Variants in INTS4 observed in about 807,000 individuals in gnomAD.
The protein encoded by INTS4 is integrator complex subunit 4.
Under a neutral mutation model 119.5 loss-of-function variants are expected in INTS4, and 70 were observed. The ratio of observed to expected loss-of-function variants is 0.59; its 90% CI spans 0.48 to 0.71. The LOEUF is 0.71. INTS4 is among the 30% of genes least tolerant of loss of function. INTS4 has a pLI of 0.00. For missense variants in INTS4, 867 were observed against 1,173.2 expected, an observed-to-expected ratio of 0.74 and a Z score of 3.81; for synonymous variants, 316 against 419.6, an observed-to-expected ratio of 0.75 and a Z score of 3.02.
intron 4 of INTS4, among the ~76,000 whole-genome samples, chr11:77,976,142 A>G (rs1009366597): frequency 1.3e-5 from 2 of 152,182 alleles, no homozygotes; most frequent in African/African-American, 4.8e-5. Context: ...ATGAAGTATC[A>G]TTTTCCACAT....
chr11:77,992,878 T>G (rs1306864571), intron 1 of INTS4, among the ~76,000 whole-genome samples: 2 of 152,208 alleles, frequency 1.3e-5, no homozygotes, highest in Non-Finnish European at 2.9e-5. Context: ...CCTCATCTTT[T>G]CAGCGGAGAA....
At chr11:77,962,635 C>T (rs1855285269) in intron 4 of INTS4, among the ~76,000 whole-genome samples, 1 of 151,992 alleles carries the variant, frequency 6.6e-6, no homozygotes, top group Non-Finnish European at 1.5e-5. Context: ...TACATAAAAA[C>T]AGACATACAG....
At chr11:77,891,627 A>G (rs670090) in intron 20 of INTS4, 54 bp downstream of exon 20, 345,064 of 1,584,640 alleles carry the variant, frequency 0.22, 38,576 homozygotes, top group Middle Eastern at 0.23. Flanking sequence ...ACCAAGGTAA[A>G]GATTTTTGAC....
chr11:77,892,443 G>A (rs1220029860), intron 19 of INTS4, among the ~76,000 whole-genome samples: 8 of 152,302 alleles, frequency 5.3e-5, no homozygotes, highest in South Asian at 2.1e-4. Flanking sequence ...AAGAACATCA[G>A]ATGAAGAACT....
At chr11:77,920,170 T>C (rs76578681) in intron 14 of INTS4, among the ~76,000 whole-genome samples, 4 of 75,466 alleles carry the variant, frequency 5.3e-5, no homozygotes, top group Non-Finnish European at 1.1e-4. Context: ...CACATATATA[T>C]ACATATACAT....
At chr11:77,917,001 G>A (rs1953218985) in intron 15 of INTS4, among the ~76,000 whole-genome samples, 1 of 152,190 alleles carries the variant, frequency 6.6e-6, no homozygotes, top group African/African-American at 2.4e-5. Flanking sequence ...ACATAACTTG[G>A]AGGATGGTTC....
chr11:77,877,128 G>T (rs1951620705), downstream of INTS4: 2 of 673,788 alleles, frequency 3.0e-6, no homozygotes, highest in Non-Finnish European at 5.4e-6. Context: ...TGACCTCGTG[G>T]AAATAGACTG....
chr11:77,944,630 T>G (rs1374544558), intron 8 of INTS4, among the ~76,000 whole-genome samples: 2 of 152,236 alleles, frequency 1.3e-5, no homozygotes, highest in Non-Finnish European at 2.9e-5. Context: ...GTTTGTCGAT[T>G]TGCTGAACAG....
At chr11:77,954,575 T>C (rs1954273044) in intron 8 of INTS4, among the ~76,000 whole-genome samples, 2 of 152,220 alleles carry the variant, frequency 1.3e-5, no homozygotes, top group African/African-American at 2.4e-5. Context: ...TTCAGTTTCA[T>C]GGAAGAAACC....
rs761947815 is a variant in INTS4, at chr11:77,879,090, G to A, written c.2751C>T (p.Tyr917=). The A allele has an allele frequency of 6.2e-7, 1 of 1,614,066 alleles. No individual in the cohort carries two copies. The part of the protein sequence containing the change: ...CQVEVRLLLA[Y]NSSARIPKCP... ...ATTTTGGAATGCGAGCACTGGAGTT[G>A]TAGGCCAGCAGCAGCCTCACTTCCA... is the stretch of plus-strand genomic sequence containing the variant. The change falls in exon 23 of 23, where the codon TAC becomes TAT. Residue 917 remains tyrosine (Y), a synonymous_variant. Transcript: ENST00000534064.
intron 15 of INTS4, among the ~76,000 whole-genome samples, chr11:77,911,572 T>A (rs1162681044): frequency 6.6e-6 from 1 of 152,204 alleles, no homozygotes; most frequent in Admixed American, 6.5e-5. Flanking sequence ...AAACAAGATG[T>A]AACCCAATCC....
Position 77,961,143 on chromosome 11 carries a change from TA to T in INTS4, c.472-6del, listed in dbSNP as rs11370501. The T allele has an allele frequency of 0.063, 72,789 of 1,163,070 alleles. No homozygotes were observed. Among genetic ancestry groups the T allele is most frequent in the South Asian group, 0.14 (4,828 of 34,128 alleles). 72.0% of individuals were successfully genotyped at this position (1,163,070 alleles called of 1,614,324 possible). A position where few individuals can be genotyped will look rare whatever the true frequency, so the allele number is the denominator to read the frequency against. On this transcript the variant is annotated splice_region_variant and splice_polypyrimidine_tract_variant and intron_variant, in intron 4 of 22. Transcript: ENST00000534064. Reference sequence around the variant, plus strand: ...ATGAGACGTATCTGTCAGATGCTATTAAAAAAAAAAAAAAAAAGAAAAAAAG... The same window carrying T: ...ATGAGACGTATCTGTCAGATGCTATTAAAAAAAAAAAAAAAAGAAAAAAAG...
At chr11:77,978,437 TTAAC>T (rs1449500139) in intron 4 of INTS4, 1 of 152,248 alleles carries the variant, frequency 6.6e-6, no homozygotes, top group East Asian at 1.9e-4. Context: ...AAGAGGCTAA[TTAAC>T]CTCCAAATTA....
chr11:77,970,385 T>C (rs1014984167), intron 4 of INTS4, among the ~76,000 whole-genome samples: 7 of 151,758 alleles, frequency 4.6e-5, no homozygotes, highest in African/African-American at 1.7e-4. Context: ...GGTGACAGAG[T>C]GACTCCATCT....
chr11:77,933,200 G>T (rs528391831), intron 10 of INTS4, among the ~76,000 whole-genome samples: 3 of 151,084 alleles, frequency 2.0e-5, no homozygotes, highest in African/African-American at 7.3e-5. Flanking sequence ...GTCCCTCTCC[G>T]TCCCCCTCTC....
At chr11:77,904,827 ATAGTTGCATCATGT>A (rs1390556705) in intron 16 of INTS4, among the ~76,000 whole-genome samples, 1 of 152,164 alleles carries the variant, frequency 6.6e-6, no homozygotes, top group Non-Finnish European at 1.5e-5. Context: ...TGTATGCAGG[ATAGTTGCATCATGT>A]TAGTTGTATC....
intron 3 of INTS4, among the ~76,000 whole-genome samples, chr11:77,979,813 A>C (rs1226650773): frequency 4.0e-5 from 6 of 151,694 alleles, no homozygotes; most frequent in Non-Finnish European, 8.8e-5. Context: ...CACCATCTCT[A>C]CTAAAAACAC....
chr11:77,971,673 C>T (rs1273383380), intron 4 of INTS4, among the ~76,000 whole-genome samples: 1 of 151,990 alleles, frequency 6.6e-6, no homozygotes, highest in African/African-American at 2.4e-5. Context: ...AATACAATTA[C>T]CTCATTATAT....
chr11:77,912,022 T>C (rs1176516503), intron 15 of INTS4, among the ~76,000 whole-genome samples: 1 of 152,144 alleles, frequency 6.6e-6, no homozygotes, highest in East Asian at 1.9e-4. Context: ...ACTCTTTTCA[T>C]TTATTTATTA....
Sources: allele counts gnomAD v4.1 joint callset (sites outside exome capture counted in the v4.1 genomes callset), GRCh38; gene constraint gnomAD v4.1.1; transcripts MANE v1.5; gene names NCBI Gene and HGNC (gene_info 2026-07-23, HGNC 2026-07-21).